Variants in ITPR2 observed in about 807,000 individuals in gnomAD.
ITPR2 encodes the protein inositol 1,4,5-trisphosphate-gated calcium channel ITPR2.
ITPR2 carries 207 observed loss-of-function variants against 317.1 expected under a neutral mutation model. That is an observed-to-expected ratio of 0.65 (90% CI 0.58 to 0.73). The LOEUF (loss-of-function observed/expected upper bound fraction) is 0.73. Among genes scored for constraint, ITPR2 ranks in the 30% least tolerant of loss-of-function variants. The pLI is 0.00. For missense variants in ITPR2, 2,613 were observed against 3,284.0 expected, an observed-to-expected ratio of 0.80 and a Z score of 4.99; for synonymous variants, 1,156 against 1,149.1, an observed-to-expected ratio of 1.01 and a Z score of -0.12.
At chr12:26,525,134 T>C (rs988948858) in intron 37 of ITPR2, among the ~76,000 whole-genome samples, 1 of 152,116 alleles carries the variant, frequency 6.6e-6, no homozygotes, top group Non-Finnish European at 1.5e-5. Flanking sequence ...ATAAAGAAAT[T>C]TCCAAAGATT....
At chr12:26,567,981 TATATATATATATATATTATATATATTA>T (rs1945034320) in intron 34 of ITPR2, among the ~76,000 whole-genome samples, 1 of 3,826 alleles carries the variant, frequency 2.6e-4, no homozygotes, top group African/African-American at 6.1e-4. Context: ...ATATATATTA[TATATATATATATATATTATATATATTA>T]TATATATATA....
At chr12:26,586,368 G>A (rs1056093592) in intron 32 of ITPR2, among the ~76,000 whole-genome samples, 3 of 152,138 alleles carry the variant, frequency 2.0e-5, no homozygotes, top group Non-Finnish European at 4.4e-5. Context: ...CAAGCTTCTG[G>A]CCTTAAGCAG....
intron 36 of ITPR2, among the ~76,000 whole-genome samples, chr12:26,551,007 G>A (rs7134588): frequency 1.2e-4 from 18 of 152,152 alleles, no homozygotes; most frequent in Admixed American, 7.9e-4. Flanking sequence ...CTGGTGCTCC[G>A]TTAGGAGAAG....
chr12:26,380,112 T>C (rs1488062993), intron 55 of ITPR2, among the ~76,000 whole-genome samples: 1 of 152,196 alleles, frequency 6.6e-6, no homozygotes, highest in East Asian at 1.9e-4. Flanking sequence ...CCAAATCCTT[T>C]TATCCTCACT....
chr12:26,688,373 T>G (rs1384913507), intron 10 of ITPR2, among the ~76,000 whole-genome samples: 1 of 152,098 alleles, frequency 6.6e-6, no homozygotes, highest in Non-Finnish European at 1.5e-5. Context: ...CTTCTCACAA[T>G]ACCAAAGCCA....
At chr12:26,752,431 A>G (rs564011348) in intron 2 of ITPR2, among the ~76,000 whole-genome samples, 1 of 152,340 alleles carries the variant, frequency 6.6e-6, no homozygotes, top group African/African-American at 2.4e-5. Flanking sequence ...GAAGCTGGCT[A>G]AAACCCACCA....
chr12:26,668,860 C>T (rs972801218), intron 13 of ITPR2, among the ~76,000 whole-genome samples: 7 of 152,032 alleles, frequency 4.6e-5, no homozygotes, highest in African/African-American at 1.7e-4. Context: ...GTGGCTCATG[C>T]CTGTAATCCC....
chr12:26,702,842 T>C (rs1948474685), intron 9 of ITPR2, among the ~76,000 whole-genome samples: 1 of 152,176 alleles, frequency 6.6e-6, no homozygotes, highest in Non-Finnish European at 1.5e-5. Flanking sequence ...AGGATAAAAC[T>C]TAAACCGTGT....
chr12:26,373,072 C>T (rs11048488), intron 55 of ITPR2, among the ~76,000 whole-genome samples: 30,767 of 152,038 alleles, frequency 0.2, 3,851 homozygotes, highest in East Asian at 0.47. Flanking sequence ...AGACAACAGC[C>T]GGGGAAAGCT....
At position 26,398,915 on chromosome 12, in the gene ITPR2, T is replaced by A; in HGVS notation, c.7657A>T (p.Lys2553Ter). The A allele has an allele frequency of 6.2e-7, 1 of 1,611,384 alleles. No individual in the cohort carries two copies. The highest frequency in any genetic ancestry group is 8.5e-7 in the Non-Finnish European group (1 of 1,179,392). ...TFADLRSEKQKKEEILKTTCF... is the reference protein window; with the variant it reads ...TFADLRSEKQ The stretch of plus-strand genomic sequence containing the variant: ...GTTGTCTTTAGAATTTCTTCTTTTT[T>A]CTGTTTTTCGCTTCTGAGATCAGCA... Residue 2553 changes from lysine (K) to a stop codon, truncating the protein, a stop_gained, in exon 54 of 57, where the codon AAA (lysine) becomes TAA (stop). Transcript: ENST00000381340. LOFTEE classifies it high-confidence loss of function.
At chr12:26,583,902 T>A (rs1945459641) in intron 32 of ITPR2, among the ~76,000 whole-genome samples, 1 of 152,138 alleles carries the variant, frequency 6.6e-6, no homozygotes, top group African/African-American at 2.4e-5. Context: ...AAAAAATCCA[T>A]CTTTTGAAAT....
intron 37 of ITPR2, among the ~76,000 whole-genome samples, chr12:26,496,212 C>A (rs536828197): frequency 5.9e-5 from 9 of 152,162 alleles, no homozygotes; most frequent in African/African-American, 2.2e-4. Context: ...GAAACTGTGG[C>A]CCAAGAGCTT....
At chr12:26,490,786 C>T (rs1440875774) in intron 39 of ITPR2, among the ~76,000 whole-genome samples, 1 of 152,212 alleles carries the variant, frequency 6.6e-6, no homozygotes, top group Non-Finnish European at 1.5e-5. Context: ...GCACTCCAGC[C>T]TGGGTGACAA....
At chr12:26,666,086 G>A in intron 13 of ITPR2, 35 bp from the exon 14 acceptor site, 3 of 1,586,326 alleles carry the variant, frequency 1.9e-6, no homozygotes, top group East Asian at 4.5e-5. Context: ...TTACTTTACA[G>A]TGTGCTTAAT....
At chr12:26,525,234 C>T (rs1384521836) in intron 37 of ITPR2, among the ~76,000 whole-genome samples, 1 of 152,166 alleles carries the variant, frequency 6.6e-6, no homozygotes, top group Admixed American at 6.5e-5. Flanking sequence ...AATATCCCTG[C>T]CAAACTTTCT....
chr12:26,342,494 C>CGGAGGCGGGG (rs1278722550), intron 55 of ITPR2, among the ~76,000 whole-genome samples: 1 of 29,018 alleles, frequency 3.4e-5, no homozygotes, highest in African/African-American at 1.9e-4. Context: ...TGGGTCACGG[C>CGGAGGCGGGG]GGTGGGGGGG....
intron 55 of ITPR2, among the ~76,000 whole-genome samples, chr12:26,380,535 G>A (rs908068325): frequency 6.6e-6 from 1 of 152,176 alleles, no homozygotes; most frequent in African/African-American, 2.4e-5. Flanking sequence ...TCCTTGAAAT[G>A]TAAACATTTA....
rs1412666279 is a variant in ITPR2, at chr12:26,487,215, A to G, written c.5407T>C (p.Ser1803Pro). ...TAGAGAACTTTAAAGAATTTTTCTGACTTTTTTTGTTCATGCAACTGCTGG... is the reference window on the plus strand; with the variant it reads ...TAGAGAACTTTAAAGAATTTTTCTGGCTTTTTTTGTTCATGCAACTGCTGG... ...FYQQLHEQKKSEKFFKVLYDR... is the reference protein window; with the variant it reads ...FYQQLHEQKKPEKFFKVLYDR... The change falls in exon 40 of 57, where the codon TCA becomes CCA. Residue 1803 changes from serine to proline, a missense_variant. Coordinates refer to ENST00000381340, the MANE Select transcript of ITPR2 (RefSeq NM_002223.4). 2 of 1,604,210 alleles carry G rather than the reference A, an allele frequency of 1.2e-6. No individual in the cohort carries two copies. Among genetic ancestry groups the G allele is most frequent in the East Asian group, 4.5e-5 (2 of 44,804 alleles).
At chr12:26,605,124 A>ATATATATATATATATAT (rs1268947338) in intron 26 of ITPR2, among the ~76,000 whole-genome samples, 12 of 83,874 alleles carry the variant, frequency 1.4e-4, no homozygotes, top group Non-Finnish European at 2.3e-4. Context: ...ATAAAAAATA[A>ATATATATATATATATAT]AAATATATAT....
Sources: allele counts gnomAD v4.1 joint callset (sites outside exome capture counted in the v4.1 genomes callset), GRCh38; gene constraint gnomAD v4.1.1; transcripts MANE v1.5; gene names NCBI Gene and HGNC (gene_info 2026-07-23, HGNC 2026-07-21).